The following ARHGAP18 variants were observed in gnomAD, a reference collection of about 807,000 sequenced individuals.
ARHGAP18 encodes the protein Rho GTPase activating protein 18.
Under a neutral mutation model 86.2 loss-of-function variants are expected in ARHGAP18, and 67 were observed. The observed-to-expected ratio is 0.78, with a 90% CI of 0.64 to 0.95. The LOEUF is 0.95. Among genes scored for constraint, ARHGAP18 ranks in the 40% least tolerant of loss-of-function variants. The pLI is 0.00. For synonymous variants in ARHGAP18, 283 were observed against 280.4 expected (o/e 1.01, Z -0.09); for missense variants, 691 against 780.4 (o/e 0.89, Z 1.37).
At chr6:129,682,948 A>C (rs1270342339) in intron 1 of ARHGAP18, among the ~76,000 whole-genome samples, 1 of 149,472 alleles carries the variant, frequency 6.7e-6, no homozygotes, top group Non-Finnish European at 1.5e-5. Context: ...TGATTGTTCT[A>C]TTTCTTTCTT....
At chr6:129,661,899 G>A in intron 1 of ARHGAP18, 1 of 985,298 alleles carries the variant, frequency 1.0e-6, no homozygotes, top group Non-Finnish European at 1.2e-6. Context: ...GTTTAGAGCT[G>A]GTTTCAAGTC....
chr6:129,598,292 G>C (rs1289622589), intron 12 of ARHGAP18, among the ~76,000 whole-genome samples: 1 of 152,152 alleles, frequency 6.6e-6, no homozygotes, highest in East Asian at 1.9e-4. Context: ...ACAATGCCAA[G>C]AAAGTATCAT....
At chr6:129,590,444 A>G (rs962772428) in intron 12 of ARHGAP18, among the ~76,000 whole-genome samples, 4 of 152,194 alleles carry the variant, frequency 2.6e-5, no homozygotes, top group African/African-American at 9.6e-5. Flanking sequence ...GTTTTCACGT[A>G]TATGTGTAAT....
chr6:129,593,041 A>G (rs1000084878), intron 12 of ARHGAP18, among the ~76,000 whole-genome samples: 5 of 152,194 alleles, frequency 3.3e-5, no homozygotes, highest in African/African-American at 1.2e-4. Context: ...AAACACACCA[A>G]TAGGAAGAGG....
rs1056478435 is a variant in ARHGAP18, at chr6:129,710,053, A to G, written c.84T>C (p.His28=). 1 of 1,613,930 alleles carries G rather than the reference A, an allele frequency of 6.2e-7. No homozygotes were observed. Among genetic ancestry groups the G allele is most frequent in the African/African-American group, 1.3e-5 (1 of 74,914 alleles). The part of the protein sequence containing the change: ...SGKDQTVGNS[H]AKAGEEATSS... ...AGGTGGCTTCCTCCCCTGCCTTTGC[A>G]TGGCTGTTCCCGACGGTCTGGTCCT... Residue 28 remains histidine, a synonymous_variant, in exon 1 of 15, where the codon CAT becomes CAC. Coordinates refer to ENST00000368149, the MANE Select transcript of ARHGAP18 (RefSeq NM_033515.3).
intron 4 of ARHGAP18, among the ~76,000 whole-genome samples, chr6:129,632,802 G>T (rs1351228122): frequency 6.6e-6 from 1 of 152,152 alleles, no homozygotes; most frequent in Non-Finnish European, 1.5e-5. Flanking sequence ...AAGTTCTGAG[G>T]AAAGTATGGA....
chr6:129,692,113 G>A (rs959743235), intron 1 of ARHGAP18, among the ~76,000 whole-genome samples: 7 of 152,214 alleles, frequency 4.6e-5, no homozygotes, highest in African/African-American at 1.4e-4. Context: ...TCCTGGCCCT[G>A]AAACCCAAAG....
chr6:129,707,191 C>T (rs1211829206), intron 1 of ARHGAP18, among the ~76,000 whole-genome samples: 1 of 151,806 alleles, frequency 6.6e-6, no homozygotes, highest in African/African-American at 2.4e-5. Flanking sequence ...CAAGAGTGCG[C>T]CATTGTGCTC....
intron 5 of ARHGAP18, among the ~76,000 whole-genome samples, chr6:129,622,601 G>C (rs963654142): frequency 6.6e-6 from 1 of 152,074 alleles, no homozygotes; most frequent in Non-Finnish European, 1.5e-5. Context: ...GAAGTTTCCT[G>C]TCGTTTTTTG....
At chr6:129,681,306 A>G (rs893431397) in intron 1 of ARHGAP18, among the ~76,000 whole-genome samples, 2 of 152,068 alleles carry the variant, frequency 1.3e-5, no homozygotes, top group Non-Finnish European at 2.9e-5. Flanking sequence ...TTGAACTCCT[A>G]ACCTCGTGAT....
intron 1 of ARHGAP18, among the ~76,000 whole-genome samples, chr6:129,656,887 G>A (rs1436373336): frequency 1.3e-5 from 2 of 152,174 alleles, no homozygotes; most frequent in Non-Finnish European, 2.9e-5. Context: ...GTTTAAGGCA[G>A]TCCTTTATCA....
chr6:129,613,019 G>T (rs1438791501), intron 7 of ARHGAP18, among the ~76,000 whole-genome samples: 1 of 152,048 alleles, frequency 6.6e-6, no homozygotes, highest in Non-Finnish European at 1.5e-5. Context: ...GGATCACAAG[G>T]TCAGGAGATC....
chr6:129,580,276 T>C (rs1409379801), intron 13 of ARHGAP18, 145 bp from the exon 14 acceptor site: 6 of 654,684 alleles, frequency 9.2e-6, no homozygotes, highest in Non-Finnish European at 1.6e-5. Context: ...TATTTTCCCA[T>C]CTGTTAAATG....
intron 5 of ARHGAP18, among the ~76,000 whole-genome samples, chr6:129,621,918 G>C (rs988954277): frequency 2.7e-5 from 4 of 146,060 alleles, no homozygotes; most frequent in Admixed American, 6.9e-5. Flanking sequence ...TGCAAATTCA[G>C]TTCTCCTAAA....
At chr6:129,664,693 T>G (rs1774007848) in intron 1 of ARHGAP18, among the ~76,000 whole-genome samples, 1 of 152,200 alleles carries the variant, frequency 6.6e-6, no homozygotes, top group Admixed American at 6.5e-5. Context: ...TCAGATACAC[T>G]CTAAATGCTG....
intron 1 of ARHGAP18, among the ~76,000 whole-genome samples, chr6:129,645,698 A>T (rs1214919825): frequency 6.6e-6 from 1 of 152,214 alleles, no homozygotes; most frequent in East Asian, 1.9e-4. Context: ...TCTATAAAGA[A>T]TCGCTTCCTA....
At chr6:129,611,484 A>C in intron 8 of ARHGAP18, 49 bp downstream of exon 8, 3 of 1,518,610 alleles carry the variant, frequency 2.0e-6, no homozygotes, top group Non-Finnish European at 2.7e-6. Flanking sequence ...AAAATGCATA[A>C]GTGTAAATAA....
At chr6:129,654,288 A>T (rs1477906179) in intron 1 of ARHGAP18, among the ~76,000 whole-genome samples, 1 of 152,216 alleles carries the variant, frequency 6.6e-6, no homozygotes. Context: ...GCAATGCCAC[A>T]TCATCTAGCA....
intron 2 of ARHGAP18, among the ~76,000 whole-genome samples, chr6:129,639,672 A>G (rs781738156): frequency 6.6e-6 from 1 of 152,184 alleles, no homozygotes; most frequent in Non-Finnish European, 1.5e-5. Flanking sequence ...AAGTATTAAT[A>G]ACTTTGACTT....
Sources: allele counts gnomAD v4.1 joint callset (sites outside exome capture counted in the v4.1 genomes callset), GRCh38; gene constraint gnomAD v4.1.1; transcripts MANE v1.5; gene names NCBI Gene and HGNC (gene_info 2026-07-23, HGNC 2026-07-21).